Variants in POU3F3 observed in about 807,000 individuals in gnomAD.
POU3F3 encodes the protein POU class 3 homeobox 3.
POU3F3 carries 1 observed loss-of-function variant against 8.6 expected under a neutral mutation model. The observed-to-expected ratio is 0.12, with a 90% CI of 0.04 to 0.55. POU3F3 has a LOEUF of 0.55. Ranked by LOEUF, POU3F3 falls within the 20% of genes least tolerant of loss-of-function variation. The probability of loss-of-function intolerance (pLI) is 0.91; values close to 1 mark genes in which losing one functional copy is unlikely to be tolerated. For missense variants in POU3F3, 577 were observed against 690.7 expected (o/e 0.84, Z 1.84); for synonymous variants, 418 against 327.4 (o/e 1.28, Z -2.99).
At chr2:104,902,524 T>C in the POU3F3 span, among the ~76,000 whole-genome samples, 1 of 152,164 alleles carries the variant, frequency 6.6e-6, no homozygotes, top group African/African-American at 2.4e-5. Flanking sequence ...AGTTCAACCT[T>C]TTCCCCTGGA....
At chr2:104,864,350 C>T in the POU3F3 span, among the ~76,000 whole-genome samples, 9 of 152,326 alleles carry the variant, frequency 5.9e-5, no homozygotes, top group African/African-American at 1.7e-4. Context: ...ATTCCCCCTT[C>T]CCCCCGCACT....
At chr2:104,904,981 G>T in the POU3F3 span, among the ~76,000 whole-genome samples, 1 of 152,150 alleles carries the variant, frequency 6.6e-6, no homozygotes. Context: ...TTATTCCAGA[G>T]ATCCTAGCCA....
At chr2:104,898,294 T>G in the POU3F3 span, among the ~76,000 whole-genome samples, 6 of 152,356 alleles carry the variant, frequency 3.9e-5, no homozygotes, top group African/African-American at 1.4e-4. Context: ...AAATTTCTGC[T>G]GTTCGTACGT....
chr2:104,860,854 T>A (rs1422010097), downstream of POU3F3, among the ~76,000 whole-genome samples: 34 of 147,160 alleles, frequency 2.3e-4, no homozygotes, highest in Admixed American at 2.4e-3. Context: ...TTCCCTTTGC[T>A]GCCCTGTAGC....
the POU3F3 span, among the ~76,000 whole-genome samples, chr2:104,865,031 T>C: frequency 6.6e-6 from 1 of 152,226 alleles, no homozygotes; most frequent in South Asian, 2.1e-4. Context: ...TAAAATATAC[T>C]CAATTGCCAC....
rs1320112630 is a variant in POU3F3, at chr2:104,856,992, G to A, written c.1482G>A (p.Gly494=). ...VSADTPPPHH[G]LQTSVQ is the part of the protein sequence containing the mutation. ...CCGACACGCCGCCGCCTCACCACGG[G>A]CTGCAGACGAGCGTTCAGTGAAGCC... The change falls in exon 1 of 1, where the codon GGG becomes GGA. Residue 494 remains glycine, a synonymous_variant. Transcript: ENST00000361360. The A allele has an allele frequency of 1.9e-6, 3 of 1,606,190 alleles. No individual in the cohort carries two copies. Among genetic ancestry groups the A allele is most frequent in the Non-Finnish European group, 2.5e-6 (3 of 1,177,448 alleles).
chr2:104,898,155 C>T, the POU3F3 span, among the ~76,000 whole-genome samples: 2 of 152,166 alleles, frequency 1.3e-5, no homozygotes, highest in Non-Finnish European at 2.9e-5. Flanking sequence ...GAGCCAGCTC[C>T]ATCTCTCTCC....
At chr2:104,909,653 G>C in the POU3F3 span, among the ~76,000 whole-genome samples, 1 of 152,228 alleles carries the variant, frequency 6.6e-6, no homozygotes, top group African/African-American at 2.4e-5. Flanking sequence ...TCCCAGCTGG[G>C]CTCCCCACAG....
the POU3F3 span, among the ~76,000 whole-genome samples, chr2:104,888,480 C>G: frequency 6.6e-6 from 1 of 152,254 alleles, no homozygotes; most frequent in African/African-American, 2.4e-5. Context: ...AGGACATTTT[C>G]TGTTGTTGTT....
chr2:104,926,304 A>G, the POU3F3 span, among the ~76,000 whole-genome samples: 3 of 152,240 alleles, frequency 2.0e-5, no homozygotes, highest in Admixed American at 2.0e-4. Flanking sequence ...GGATATGAAC[A>G]GACACTTCCT....
downstream of POU3F3, among the ~76,000 whole-genome samples, chr2:104,861,943 C>T (rs1167889067): frequency 1.3e-5 from 2 of 152,192 alleles, no homozygotes; most frequent in Non-Finnish European, 2.9e-5. Flanking sequence ...TCTGCGTTTG[C>T]ATCCTGAACT....
chr2:104,859,315 A>G (rs897310998), downstream of POU3F3, among the ~76,000 whole-genome samples: 1 of 152,222 alleles, frequency 6.6e-6, no homozygotes, highest in African/African-American at 2.4e-5. Flanking sequence ...CACCTTTTAC[A>G]TAAACCCTGC....
chr2:104,877,180 G>A, the POU3F3 span, among the ~76,000 whole-genome samples: 1 of 152,150 alleles, frequency 6.6e-6, no homozygotes, highest in Non-Finnish European at 1.5e-5. Context: ...TTCTGAAAGG[G>A]CTTTGTAGTG....
At chr2:104,896,390 T>C in the POU3F3 span, among the ~76,000 whole-genome samples, 3 of 152,108 alleles carry the variant, frequency 2.0e-5, no homozygotes, top group African/African-American at 7.2e-5. Flanking sequence ...CCAGATGGAC[T>C]AAAGAGCCCT....
At chr2:104,884,761 G>A in the POU3F3 span, among the ~76,000 whole-genome samples, 29 of 152,318 alleles carry the variant, frequency 1.9e-4, no homozygotes, top group African/African-American at 7.0e-4. Context: ...AAGCCCCATT[G>A]TGGGATGAGT....
the POU3F3 span, among the ~76,000 whole-genome samples, chr2:104,904,385 G>C: frequency 6.6e-6 from 1 of 152,066 alleles, no homozygotes; most frequent in African/African-American, 2.4e-5. Flanking sequence ...AAGTAGGAGT[G>C]AAATGGGTAT....
At chr2:104,903,565 A>G in the POU3F3 span, among the ~76,000 whole-genome samples, 7 of 152,204 alleles carry the variant, frequency 4.6e-5, no homozygotes, top group Non-Finnish European at 8.8e-5. Flanking sequence ...AAAATGTTAC[A>G]CCACTAAGAG....
downstream of POU3F3, among the ~76,000 whole-genome samples, chr2:104,859,579 C>A (rs1676631983): frequency 6.6e-6 from 1 of 152,142 alleles, no homozygotes; most frequent in Non-Finnish European, 1.5e-5. Context: ...GATATCAATG[C>A]AGGGGTTAAA....
chr2:104,893,695 A>G, the POU3F3 span, among the ~76,000 whole-genome samples: 1 of 152,086 alleles, frequency 6.6e-6, no homozygotes, highest in East Asian at 1.9e-4. Flanking sequence ...CAGCCTGCCC[A>G]ACATGGCGAA....
Sources: allele counts gnomAD v4.1 joint callset (sites outside exome capture counted in the v4.1 genomes callset), GRCh38; gene constraint gnomAD v4.1.1; transcripts MANE v1.5; gene names NCBI Gene and HGNC (gene_info 2026-07-23, HGNC 2026-07-21).